The following PEBP4 variants were observed in gnomAD, a reference collection of about 807,000 sequenced individuals.
PEBP4 encodes the protein phosphatidylethanolamine binding protein 4.
A neutral mutation model predicts 23.9 loss-of-function variants in PEBP4; 22 were observed. The observed-to-expected ratio is 0.92, with a 90% confidence interval of 0.66 to 1.31. The LOEUF is 1.31. PEBP4 is among the 40% of genes most tolerant of loss of function. The pLI, the probability that PEBP4 is intolerant of heterozygous loss-of-function variation, is 0.00. For synonymous variants in PEBP4, 112 were observed against 99.3 expected (o/e 1.13, Z -0.76); for missense variants, 324 against 281.7 (o/e 1.15, Z -1.07).
intron 3 of PEBP4, chr8:22,878,055 C>A: frequency 6.6e-6 from 1 of 152,292 alleles, no homozygotes. Flanking sequence ...GTGTCCCCAG[C>A]CCTCCCCACC....
intron 3 of PEBP4, among the ~76,000 whole-genome samples, chr8:22,818,863 G>A (rs1402272812): frequency 6.6e-6 from 1 of 152,076 alleles, no homozygotes; most frequent in East Asian, 1.9e-4. Context: ...TAGATTCAAC[G>A]GCACGGCAGT....
intron 4 of PEBP4, among the ~76,000 whole-genome samples, chr8:22,769,676 C>A (rs543084055): frequency 2.0e-5 from 3 of 152,206 alleles, no homozygotes; most frequent in Admixed American, 2.0e-4. Flanking sequence ...CCTTTATCAC[C>A]CTTCCCCAGT....
chr8:22,927,810 G>C lies in PEBP4; in HGVS notation c.-7+13C>G. On this transcript the variant is annotated intron_variant, in intron 1 of 6. Transcript: ENST00000256404. ...GCCCCCGACCCCAGGGGCCCACTTG[G>C]CAGGATAGAGACCTCTGGTTAAGCA... The C allele has an allele frequency of 6.6e-7, 1 of 1,523,072 alleles. No individual in the cohort carries two copies. Among genetic ancestry groups the C allele is most frequent in the African/African-American group, 1.4e-5 (1 of 71,880 alleles). 94.3% of individuals were successfully genotyped at this position (1,523,072 alleles called of 1,614,324 possible). A position where few individuals can be genotyped will look rare whatever the true frequency, so the allele number is the denominator to read the frequency against.
intron 6 of PEBP4, among the ~76,000 whole-genome samples, chr8:22,713,849 C>T (rs932198675): frequency 5.2e-5 from 6 of 115,148 alleles, no homozygotes; most frequent in African/African-American, 2.2e-4. Flanking sequence ...TTCTCGCTCC[C>T]GCTCCCGGGC....
At chr8:22,722,556 C>T (rs1804538865) in intron 6 of PEBP4, among the ~76,000 whole-genome samples, 1 of 152,232 alleles carries the variant, frequency 6.6e-6, no homozygotes, top group African/African-American at 2.4e-5. Context: ...ATTGTCCTTA[C>T]AGTTAGAATC....
intron 6 of PEBP4, among the ~76,000 whole-genome samples, chr8:22,723,904 G>A (rs1185061845): frequency 1.3e-5 from 2 of 152,214 alleles, no homozygotes; most frequent in Non-Finnish European, 2.9e-5. Context: ...CATCGCGGTT[G>A]TAGCAATACC....
At chr8:22,926,448 G>A (rs1433557694) in intron 2 of PEBP4, among the ~76,000 whole-genome samples, 1 of 152,072 alleles carries the variant, frequency 6.6e-6, no homozygotes, top group African/African-American at 2.4e-5. Context: ...GGGTTTAAGC[G>A]ATCCTCCCAC....
chr8:22,924,952 A>G (rs999663627), intron 2 of PEBP4: 22 of 985,252 alleles, frequency 2.2e-5, no homozygotes, highest in Non-Finnish European at 2.5e-5. Flanking sequence ...CATTGAGTCC[A>G]ATCTTTAAGA....
chr8:22,925,054 G>A, intron 2 of PEBP4: 6 of 985,368 alleles, frequency 6.1e-6, no homozygotes, highest in Non-Finnish European at 7.2e-6. Context: ...GGGATCTTGA[G>A]GAGGGGTCAG....
rs374400039 is a variant in PEBP4 at position 22,919,728 on chromosome 8, A to G, written c.258+456T>C. Reference sequence around the variant, plus strand: ...CCTCTGCCTGTTTAGGCAACTTGGGAAGCTCTGTCTTGGTAAATACCAGCT... The same window carrying G: ...CCTCTGCCTGTTTAGGCAACTTGGGGAGCTCTGTCTTGGTAAATACCAGCT... On this transcript the variant is annotated intron_variant, in intron 3 of 6. Coordinates refer to ENST00000256404, the MANE Select transcript of PEBP4 (RefSeq NM_144962.3). Among the ~76,000 whole-genome samples, 27 of 152,296 alleles carry G rather than the reference A, an allele frequency of 1.8e-4. 1 individual carries two copies. Among genetic ancestry groups the G allele is most frequent in the African/African-American group, 6.5e-4 (27 of 41,542 alleles).
At chr8:22,846,667 C>T (rs772678240) in intron 3 of PEBP4, among the ~76,000 whole-genome samples, 1 of 152,186 alleles carries the variant, frequency 6.6e-6, no homozygotes, top group East Asian at 1.9e-4. Flanking sequence ...CTCAACTCCA[C>T]TCCCTCATGA....
In PEBP4 at chr8:22,775,196, T is replaced by A. The variant is rs1294845545; in HGVS notation, c.357+42441A>T. Among the ~76,000 whole-genome samples, 1 of 152,200 alleles carries A rather than the reference T, an allele frequency of 6.6e-6. No homozygotes were observed. The highest frequency in any genetic ancestry group is 1.5e-5 in the Non-Finnish European group (1 of 68,028). On this transcript the variant is annotated intron_variant, in intron 4 of 6. Transcript: ENST00000256404. This position sits in a 1 kb window ranked among gnomAD's most constrained non-coding sequence, Gnocchi z 4.8. ...TCTAGGTTTTAGGGCTCCCCTCTCT[T>A]CCTTCTCCATATCAACTGGCCCCTT...
chr8:22,831,750 C>A, intron 3 of PEBP4, among the ~76,000 whole-genome samples: 1 of 152,226 alleles, frequency 6.6e-6, no homozygotes, highest in South Asian at 2.1e-4. Context: ...CTGAGCTGGT[C>A]CTGAGGAGTG....
chr8:22,771,324 A>G (rs1288539234), intron 4 of PEBP4, among the ~76,000 whole-genome samples: 2 of 152,168 alleles, frequency 1.3e-5, no homozygotes, highest in African/African-American at 4.8e-5. Context: ...CCCTGTTTCT[A>G]CTAAAAATAC....
chr8:22,923,020 T>C (rs1056365221), intron 2 of PEBP4, among the ~76,000 whole-genome samples: 1 of 152,312 alleles, frequency 6.6e-6, no homozygotes, highest in Non-Finnish European at 1.5e-5. Context: ...ATGATTTCAT[T>C]TCATGCAACC....
chr8:22,839,244 T>C (rs1458170866), intron 3 of PEBP4, among the ~76,000 whole-genome samples: 1 of 152,020 alleles, frequency 6.6e-6, no homozygotes, highest in Non-Finnish European at 1.5e-5. Flanking sequence ...GTGTTGGTCA[T>C]CACGGGATTC....
intron 4 of PEBP4, among the ~76,000 whole-genome samples, chr8:22,729,023 C>T (rs1164774575): frequency 6.6e-6 from 1 of 152,230 alleles, no homozygotes; most frequent in Non-Finnish European, 1.5e-5. Context: ...CTCTGTCTCG[C>T]TCCCCTCTCA....
intron 4 of PEBP4, among the ~76,000 whole-genome samples, chr8:22,769,581 G>A (rs1035324723): frequency 6.6e-6 from 1 of 152,082 alleles, no homozygotes. Context: ...GCCTAGAGAG[G>A]AATAGAACAG....
upstream of PEBP4, chr8:22,927,950 G>T (rs1374079120): frequency 1.6e-5 from 8 of 497,206 alleles, no homozygotes; most frequent in Non-Finnish European, 3.6e-6. Flanking sequence ...GTACGTTCCT[G>T]GCAGAGGCCC....
Sources: gnomAD v4.1 joint callset for allele counts (sites outside exome capture counted in the v4.1 genomes callset) on GRCh38, gnomAD v4.1.1 for gene constraint, Gnocchi (gnomAD v3.1) non-coding constraint, MANE v1.5 for transcripts, NCBI Gene and HGNC (gene_info 2026-07-23, HGNC 2026-07-21) for gene names.